The following AOPEP variants were observed in gnomAD, a reference collection of about 807,000 sequenced individuals.
AOPEP encodes aminopeptidase O (putative).
Under a neutral mutation model 98.1 loss-of-function variants are expected in AOPEP, and 77 were observed. The observed-to-expected ratio is 0.78, with a 90% CI of 0.65 to 0.95. The LOEUF is 0.95. AOPEP is among the 40% of genes least tolerant of loss of function. AOPEP has a pLI of 0.00. For missense variants in AOPEP, 1,024 were observed against 1,024.7 expected (o/e 1.00, Z 0.01); for synonymous variants, 346 against 365.3 (o/e 0.95, Z 0.60).
chr9:95,104,609 G>A, the AOPEP span, among the ~76,000 whole-genome samples: 24 of 152,334 alleles, frequency 1.6e-4, no homozygotes, highest in African/African-American at 5.5e-4. Flanking sequence ...TTTGAATGTG[G>A]ACTGAAAGTT....
chr9:94,885,701 G>T (rs1044725319), intron 5 of AOPEP, among the ~76,000 whole-genome samples: 3 of 152,052 alleles, frequency 2.0e-5, no homozygotes, highest in African/African-American at 7.2e-5. Flanking sequence ...GTGCCTACAT[G>T]GTTTTGCATT....
Position 94,897,748 on chromosome 9 carries a change from C to CTG in AOPEP, c.1365-26237_1365-26236dup, listed in dbSNP as rs145494897. Among the ~76,000 whole-genome samples the CTG allele has an allele frequency of 7.4e-3, 1,127 of 152,132 alleles. 14 individuals carry two copies. The highest frequency in any genetic ancestry group is 0.026 in the African/African-American group (1,088 of 41,492). ...TCATTAGTAAAGCTGGCAAATGAAA[C>CTG]TGCCATTCTCATTTGTTTTTTTGTG... is the stretch of plus-strand genomic sequence containing the variant. On this transcript the variant is annotated intron_variant, in intron 5 of 16. Transcript: ENST00000375315.
chr9:95,090,207 C>T (rs909968771), downstream of AOPEP, among the ~76,000 whole-genome samples: 2 of 152,238 alleles, frequency 1.3e-5, no homozygotes, highest in African/African-American at 4.8e-5. Context: ...GTGGTAGGTA[C>T]GAACAGTTAA....
At chr9:95,117,964 T>C in the AOPEP span, among the ~76,000 whole-genome samples, 1 of 152,190 alleles carries the variant, frequency 6.6e-6, no homozygotes, top group South Asian at 2.1e-4. Flanking sequence ...TCAGGTGATC[T>C]GGCCGCCTCG....
intron 15 of AOPEP, among the ~76,000 whole-genome samples, chr9:95,082,054 A>G (rs1398955715): frequency 1.3e-5 from 2 of 152,026 alleles, no homozygotes; most frequent in African/African-American, 4.8e-5. Flanking sequence ...GAAAGGGCGC[A>G]GGCGGGGTGG....
At chr9:94,886,773 A>G (rs72748553) in intron 5 of AOPEP, among the ~76,000 whole-genome samples, 4,399 of 152,266 alleles carry the variant, frequency 0.029, 170 homozygotes, top group African/African-American at 0.084. Flanking sequence ...AAAAATCCCA[A>G]TAGTTGCAAT....
chr9:94,885,888 A>G (rs960137420), intron 5 of AOPEP, among the ~76,000 whole-genome samples: 3 of 152,202 alleles, frequency 2.0e-5, no homozygotes, highest in Non-Finnish European at 4.4e-5. Flanking sequence ...TTGGTTGTAT[A>G]TTTAAAGAGT....
At chr9:95,095,306 G>C in the AOPEP span, among the ~76,000 whole-genome samples, 2 of 152,138 alleles carry the variant, frequency 1.3e-5, no homozygotes, top group Non-Finnish European at 2.9e-5. Flanking sequence ...ATCAGCATGG[G>C]GAGCATCAGC....
intron 14 of AOPEP, 170 bp downstream of exon 14, chr9:95,060,980 T>C: frequency 1.8e-6 from 1 of 564,012 alleles, no homozygotes; most frequent in Non-Finnish European, 3.2e-6. Flanking sequence ...TGCTTATGCT[T>C]CTAATCAGAG....
chr9:95,107,323 C>A, the AOPEP span: 3 of 1,557,466 alleles, frequency 1.9e-6, no homozygotes, highest in Non-Finnish European at 2.6e-6. Flanking sequence ...GACAGACATA[C>A]TTCTAGGATT....
rs1473807587 is a variant in AOPEP, at chr9:95,086,984, G to A, written c.*307G>A. 3 of 982,170 alleles carry A rather than the reference G, an allele frequency of 3.1e-6. No homozygotes were observed. The East Asian group carries it at 3.4e-4, about 112-fold the overall frequency. 60.8% of individuals were successfully genotyped at this position (982,170 alleles called of 1,614,324 possible). On this transcript the variant is annotated 3_prime_UTR_variant, in exon 17 of 17. Coordinates refer to ENST00000375315, the MANE Select transcript of AOPEP (RefSeq NM_001193329.3). ...GATTAAATATATCCAAGAGACATTG[G>A]AAAACCTGCTGAACATTTTACATTG...
intron 7 of AOPEP, among the ~76,000 whole-genome samples, chr9:94,937,994 C>T (rs2056526204): frequency 6.6e-6 from 1 of 152,192 alleles, no homozygotes; most frequent in Non-Finnish European, 1.5e-5. Context: ...CTGCCTCAGC[C>T]TCCCGAGTAG....
At chr9:95,110,197 AGATGT>A in the AOPEP span, 1 of 959,212 alleles carries the variant, frequency 1.0e-6, no homozygotes, top group Non-Finnish European at 1.3e-6. Context: ...AGCTAGTAGA[AGATGT>A]GCCAATGTAG....
At chr9:95,113,104 G>A in the AOPEP span, among the ~76,000 whole-genome samples, 1 of 152,326 alleles carries the variant, frequency 6.6e-6, no homozygotes, top group Admixed American at 6.5e-5. Flanking sequence ...ACCAGGGAGG[G>A]TGTGTGGGGG....
intron 5 of AOPEP, among the ~76,000 whole-genome samples, chr9:94,873,853 A>G (rs1276116206): frequency 1.3e-5 from 2 of 152,180 alleles, no homozygotes; most frequent in Non-Finnish European, 2.9e-5. Context: ...AATGATATAT[A>G]TTGCTGACAT....
At chr9:94,763,175 G>A (rs1208648061) in intron 2 of AOPEP, 1 of 420,986 alleles carries the variant, frequency 2.4e-6, no homozygotes, top group Non-Finnish European at 4.9e-6. Context: ...TGTATCTCAA[G>A]TGAGAAAGAG....
intron 2 of AOPEP, among the ~76,000 whole-genome samples, chr9:94,762,224 G>T (rs1464053400): frequency 2.0e-5 from 3 of 152,112 alleles, no homozygotes; most frequent in Non-Finnish European, 2.9e-5. Context: ...GAGGCGGGTG[G>T]ATCACAAGGT....
chr9:95,049,648 A>T (rs1485586148), intron 13 of AOPEP, among the ~76,000 whole-genome samples: 1 of 152,226 alleles, frequency 6.6e-6, no homozygotes, highest in East Asian at 1.9e-4. Context: ...TACATATGTA[A>T]AGGAAGATAC....
rs759573999 is a variant in AOPEP, at chr9:95,085,500, C to T, written c.*5-1182C>T. 3 of 531,180 alleles carry T rather than the reference C, an allele frequency of 5.6e-6. No individual in the cohort carries two copies. In the Admixed American group the frequency reaches 5.9e-5, roughly 10 times the overall value. The allele number at this position is 531,180 out of a possible 1,614,324, so 32.9% of individuals were successfully genotyped here. On this transcript the variant is annotated intron_variant, in intron 16 of 16. Coordinates refer to ENST00000375315, the MANE Select transcript of AOPEP (RefSeq NM_001193329.3). ...ATTGGTGAACAGTGATTGGTTTCCGCTTTGTTCACAGTGGCTAAGTTCTGC... is the reference window on the plus strand; with the variant it reads ...ATTGGTGAACAGTGATTGGTTTCCGTTTTGTTCACAGTGGCTAAGTTCTGC...
Sources: allele counts gnomAD v4.1 joint callset (sites outside exome capture counted in the v4.1 genomes callset), GRCh38; gene constraint gnomAD v4.1.1; transcripts MANE v1.5; gene names NCBI Gene and HGNC (gene_info 2026-07-23, HGNC 2026-07-21).